Variants in LETM2 observed in about 807,000 individuals in gnomAD.
LETM2 encodes the protein LETM1 domain-containing protein LETM2, mitochondrial.
LETM2 carries 58 observed loss-of-function variants against 59.6 expected under a neutral mutation model. That is an observed-to-expected ratio of 0.97 (90% CI 0.79 to 1.21). The LOEUF (loss-of-function observed/expected upper bound fraction) is 1.21, where lower values mean the gene tolerates loss of function less well. Ranked by LOEUF, LETM2 falls within the 50% of genes most tolerant of loss-of-function variation. The pLI is 0.00. For synonymous variants in LETM2, 199 were observed against 214.1 expected, an observed-to-expected ratio of 0.93 and a Z score of 0.62; for missense variants, 572 against 575.7, an observed-to-expected ratio of 0.99 and a Z score of 0.07.
intron 2 of LETM2, 127 bp downstream of exon 2, chr8:38,388,157 T>G (rs570045073): frequency 1.5e-6 from 1 of 647,054 alleles, no homozygotes; most frequent in African/African-American, 1.9e-5. Flanking sequence ...CTCGGCTCAC[T>G]GCAACCTCTG....
rs757314472 is a variant in LETM2 at position 38,400,942 on chromosome 8, C to A, written c.873C>A (p.Arg291=). The A allele has an allele frequency of 1.5e-5, 25 of 1,614,126 alleles. 1 individual carries two copies. Among genetic ancestry groups the A allele is most frequent in the Non-Finnish European group, 1.3e-5 (15 of 1,179,974 alleles). ...AGCTGGCCCTGGAACACTTAGATCG[C>A]CCTCAGCTGGTTGCCCTTTGCAAAC... ...EDQLALEHLD[R]PQLVALCKLL... The change falls in exon 6 of 11, where the codon CGC becomes CGA. Residue 291 remains arginine, a synonymous_variant. Coordinates refer to ENST00000379957, the MANE Select transcript of LETM2 (RefSeq NM_001286819.2).
chr8:38,399,821 C>T (rs62505467), intron 4 of LETM2, among the ~76,000 whole-genome samples: 6,688 of 151,506 alleles, frequency 0.044, 188 homozygotes, highest in South Asian at 0.088. Flanking sequence ...TGGCACACAC[C>T]TGTAATCCCA....
intron 4 of LETM2, chr8:38,397,139 A>G: frequency 2.2e-6 from 1 of 456,222 alleles, no homozygotes; most frequent in Non-Finnish European, 4.4e-6. Context: ...TATGGTAAGA[A>G]AGTGTGAACA....
chr8:38,407,078 A>C, intron 9 of LETM2, 40 bp downstream of exon 9: 4 of 1,292,740 alleles, frequency 3.1e-6, no homozygotes, highest in Non-Finnish European at 4.5e-6. Context: ...TAGATTAAAA[A>C]ATGAAAATAG....
chr8:38,395,860 A>G (rs1812643432), intron 4 of LETM2, among the ~76,000 whole-genome samples: 1 of 152,092 alleles, frequency 6.6e-6, no homozygotes, highest in Admixed American at 6.6e-5. Context: ...TCTGATTATT[A>G]TTCTGAGTTC....
chr8:38,394,893 C>T (rs146936315), intron 4 of LETM2, among the ~76,000 whole-genome samples: 61 of 151,672 alleles, frequency 4.0e-4, no homozygotes, highest in African/African-American at 1.4e-3. Flanking sequence ...CTATTTGTCC[C>T]TCTTCTTTCC....
intron 4 of LETM2, among the ~76,000 whole-genome samples, chr8:38,399,229 A>G (rs139226907): frequency 2.1e-3 from 319 of 152,256 alleles, no homozygotes; most frequent in Admixed American, 4.1e-3. Flanking sequence ...TACATTTCTG[A>G]TGATTAACAA....
At chr8:38,384,547 T>C (rs1343424369), upstream of LETM2, among the ~76,000 whole-genome samples, 1 of 152,052 alleles carries the variant, frequency 6.6e-6, no homozygotes, top group Non-Finnish European at 1.5e-5. Flanking sequence ...AGGGCCAGAG[T>C]CATGGAGGAA....
At chr8:38,399,856 G>A (rs543919684) in intron 4 of LETM2, among the ~76,000 whole-genome samples, 1 of 152,124 alleles carries the variant, frequency 6.6e-6, no homozygotes, top group East Asian at 1.9e-4. Flanking sequence ...TGAGGCAGGA[G>A]AATCACTTGA....
intron 4 of LETM2, 192 bp downstream of exon 4, chr8:38,394,433 A>G (rs1812527937): frequency 2.3e-6 from 1 of 429,350 alleles, no homozygotes; most frequent in South Asian, 6.3e-5. Context: ...GTTATTATTA[A>G]AGCTCATACT....
At chr8:38,393,051 G>A (rs746929964) in intron 3 of LETM2, 56 bp downstream of exon 3, 1 of 1,388,120 alleles carries the variant, frequency 7.2e-7, no homozygotes, top group South Asian at 1.3e-5. Flanking sequence ...AACTATTTGG[G>A]AACTCAACTA....
At chr8:38,400,173 G>A in intron 4 of LETM2, 99 bp from the exon 5 acceptor site, 1 of 889,408 alleles carries the variant, frequency 1.1e-6, no homozygotes, top group Non-Finnish European at 1.7e-6. Context: ...CATGATGTAG[G>A]GATGAGCAAT....
At position 38,394,098 on chromosome 8, in the gene LETM2, C is replaced by A; in HGVS notation, c.502C>A (p.Leu168Met). 6.9e-7 allele frequency: 1 copy of A among 1,457,490 alleles called. No individual in the cohort carries two copies. Among genetic ancestry groups the A allele is most frequent in the Non-Finnish European group, 9.0e-7 (1 of 1,112,420 alleles). 90.3% of individuals were successfully genotyped at this position (1,457,490 alleles called of 1,614,324 possible). Residue 168 changes from leucine (L) to methionine (M), a missense_variant and splice_region_variant, in exon 4 of 11, where the codon CTG becomes ATG. Physicochemically the swap from Leu to Met is conservative, Grantham distance 15 (BLOSUM62 2). Coordinates refer to ENST00000379957, the MANE Select transcript of LETM2 (RefSeq NM_001286819.2). The stretch of plus-strand genomic sequence containing the variant: ...ATTGCATATGCATTTAATTCTATAG[C>A]TGTTGAGAACTTGTGTTGATTTCTT... ...QVLTRRERRR[L>M]LRTCVDFFRL...
At chr8:38,396,194 C>T (rs940683034) in intron 4 of LETM2, among the ~76,000 whole-genome samples, 13 of 150,290 alleles carry the variant, frequency 8.6e-5, no homozygotes, top group African/African-American at 2.4e-4. Flanking sequence ...GATGGAGCCT[C>T]GCTCTGTCGC....
At chr8:38,390,623 GAAAAAAA>G (rs766904780) in intron 2 of LETM2, among the ~76,000 whole-genome samples, 1 of 44,868 alleles carries the variant, frequency 2.2e-5, no homozygotes, top group Non-Finnish European at 4.3e-5. Flanking sequence ...CTCTGTCTCA[GAAAAAAA>G]AAAAAAAAAA....
chr8:38,392,912 C>T lies in LETM2; in HGVS notation c.418C>T (p.Leu140Phe), dbSNP rs1812412483. ...ATATTATTACAATGGATTCTACTTA[C>T]TTTGGATTGACGCCAAAGTTGCTGC... ...LKYYYNGFYL[L>F]WIDAKVAARM... The change falls in exon 3 of 11, where the codon CTT (leucine) becomes TTT (phenylalanine). Residue 140 changes from leucine to phenylalanine, a missense_variant. Transcript: ENST00000379957. 3.7e-6 allele frequency: 6 copies of T among 1,613,432 alleles called. No individual in the cohort carries two copies. The highest frequency in any genetic ancestry group is 4.5e-5 in the East Asian group (2 of 44,892).
At chr8:38,387,693 A>G (rs1181718284) in intron 1 of LETM2, among the ~76,000 whole-genome samples, 2 of 152,126 alleles carry the variant, frequency 1.3e-5, no homozygotes, top group African/African-American at 4.8e-5. Context: ...AGAAATCAAA[A>G]TGTCTCTGAA....
In LETM2 at chr8:38,408,303, C is replaced by T. The variant is rs183886861; in HGVS notation, c.*29C>T. 6.3e-7 allele frequency: 1 copy of T among 1,592,554 alleles called. No individual in the cohort carries two copies. The highest frequency in any genetic ancestry group is 2.2e-5 in the East Asian group (1 of 44,746). ...ACTACTTGAGGATGGAGCTCACTCTCTTCAGCTTCCGGCCCTCAACAGTGG... is the reference window on the plus strand; with the variant it reads ...ACTACTTGAGGATGGAGCTCACTCTTTTCAGCTTCCGGCCCTCAACAGTGG... On this transcript the variant is annotated 3_prime_UTR_variant, in exon 11 of 11. Coordinates refer to ENST00000379957, the MANE Select transcript of LETM2 (RefSeq NM_001286819.2).
upstream of LETM2, among the ~76,000 whole-genome samples, chr8:38,383,778 A>G (rs567009472): frequency 4.3e-4 from 65 of 152,008 alleles, no homozygotes; most frequent in Non-Finnish European, 9.0e-4. Context: ...AAAATACAAA[A>G]AATTAGCCGG....
Sources: allele counts gnomAD v4.1 joint callset (sites outside exome capture counted in the v4.1 genomes callset), GRCh38; gene constraint gnomAD v4.1.1; transcripts MANE v1.5; gene names NCBI Gene and HGNC (gene_info 2026-07-23, HGNC 2026-07-21).